Variants in PTPRD observed in about 807,000 individuals in gnomAD.
PTPRD encodes receptor-type tyrosine-protein phosphatase delta.
In PTPRD, 34 loss-of-function variants were observed where a neutral mutation model predicts 214.5. The observed-to-expected ratio is 0.16, with a 90% CI of 0.12 to 0.21. The LOEUF is 0.21. Ranked by LOEUF, PTPRD falls within the 10% of genes least tolerant of loss-of-function variation. The pLI is 1.00. For synonymous variants in PTPRD, 1,128 were observed against 845.7 expected (o/e 1.33, Z -5.79); for missense variants, 2,545 against 2,398.7 (o/e 1.06, Z -1.27).
At chr9:9,445,520 G>A (rs1189001911) in intron 8 of PTPRD, among the ~76,000 whole-genome samples, 1 of 152,096 alleles carries the variant, frequency 6.6e-6, no homozygotes, top group Non-Finnish European at 1.5e-5. Flanking sequence ...GTTCTGCATG[G>A]CTGGGAAGAC....
intron 3 of PTPRD, among the ~76,000 whole-genome samples, chr9:10,067,581 C>G (rs929377987): frequency 1.3e-5 from 2 of 151,804 alleles, no homozygotes; most frequent in African/African-American, 4.8e-5. Flanking sequence ...TCCTGAGACT[C>G]TGCGAGGAGG....
intron 2 of PTPRD, among the ~76,000 whole-genome samples, chr9:10,482,327 C>G (rs1025962106): frequency 1.3e-5 from 2 of 151,818 alleles, no homozygotes; most frequent in Non-Finnish European, 2.9e-5. Flanking sequence ...GCCGAGATGG[C>G]GCCACTGCAC....
At chr9:8,480,660 T>C (rs1488217210) in intron 30 of PTPRD, among the ~76,000 whole-genome samples, 2 of 152,212 alleles carry the variant, frequency 1.3e-5, no homozygotes, top group East Asian at 3.9e-4. Context: ...CTGCACAGTT[T>C]CTTACATATC....
intron 3 of PTPRD, among the ~76,000 whole-genome samples, chr9:10,264,994 T>G (rs10958986): frequency 6.6e-6 from 1 of 151,936 alleles, no homozygotes; most frequent in Non-Finnish European, 1.5e-5. Flanking sequence ...CCTGACACCA[T>G]GTTTGACATG....
At position 8,888,452 on chromosome 9, in the gene PTPRD, G is replaced by A. The variant is rs76068303; in HGVS notation, c.-104+130245C>T. Among the ~76,000 whole-genome samples the A allele has an allele frequency of 8.5e-3, 1,288 of 151,964 alleles. 8 individuals are homozygous for A. The highest frequency in any genetic ancestry group is 0.014 in the Non-Finnish European group (963 of 67,968). On this transcript the variant is annotated intron_variant, in intron 11 of 45. Transcript: ENST00000381196. ...TTTCAGGCATTGCCTTGACTAAAAA[G>A]GTAACATGAAATAAACTCCTCTAGT...
chr9:9,174,668 C>G (rs2099923525), intron 10 of PTPRD, among the ~76,000 whole-genome samples: 1 of 152,036 alleles, frequency 6.6e-6, no homozygotes, highest in Non-Finnish European at 1.5e-5. Context: ...ATTTCATAAT[C>G]TTATTTAATA....
At chr9:9,547,807 C>CACACACACAA (rs1304197907) in intron 8 of PTPRD, among the ~76,000 whole-genome samples, 1 of 151,634 alleles carries the variant, frequency 6.6e-6, no homozygotes, top group African/African-American at 2.4e-5. Flanking sequence ...CACACACACA[C>CACACACACAA]ACACACACAC....
intron 3 of PTPRD, among the ~76,000 whole-genome samples, chr9:10,282,792 A>C (rs568814322): frequency 1.3e-5 from 2 of 152,232 alleles, no homozygotes; most frequent in South Asian, 4.1e-4. Flanking sequence ...TAAATATGCC[A>C]GCTGTAAGAG....
chr9:10,400,417 T>C (rs2098250871), intron 2 of PTPRD, among the ~76,000 whole-genome samples: 1 of 151,820 alleles, frequency 6.6e-6, no homozygotes, highest in Admixed American at 6.6e-5. Context: ...TTGACTTATT[T>C]TTCTTTATAA....
chr9:9,980,146 C>G (rs1490362643), intron 4 of PTPRD, among the ~76,000 whole-genome samples: 1 of 151,730 alleles, frequency 6.6e-6, no homozygotes, highest in South Asian at 2.1e-4. Context: ...TTCTTTTCAA[C>G]AAAATTTAAC....
At chr9:8,791,304 C>T (rs896220611) in intron 11 of PTPRD, among the ~76,000 whole-genome samples, 2 of 152,112 alleles carry the variant, frequency 1.3e-5, no homozygotes, top group South Asian at 4.2e-4. Context: ...CCGCTCACTG[C>T]AAACTCCGCC....
At chr9:8,721,814 T>C (rs763326488) in intron 12 of PTPRD, among the ~76,000 whole-genome samples, 1 of 152,208 alleles carries the variant, frequency 6.6e-6, no homozygotes, top group Non-Finnish European at 1.5e-5. Flanking sequence ...TTTCAAGAGC[T>C]TGTGAAAGGT....
intron 11 of PTPRD, among the ~76,000 whole-genome samples, chr9:8,799,420 C>G (rs146378675): frequency 2.0e-5 from 3 of 152,274 alleles, no homozygotes; most frequent in African/African-American, 4.8e-5. Flanking sequence ...CTGGAAGAGA[C>G]CTGGAATTGT....
chr9:9,615,248 G>C (rs2094787294), intron 7 of PTPRD, among the ~76,000 whole-genome samples: 1 of 152,106 alleles, frequency 6.6e-6, no homozygotes, highest in South Asian at 2.1e-4. Context: ...TGCTCCTCCT[G>C]CCAGGTGCAG....
chr9:9,747,929 A>G (rs2098474917), intron 6 of PTPRD, among the ~76,000 whole-genome samples: 1 of 152,158 alleles, frequency 6.6e-6, no homozygotes, highest in Non-Finnish European at 1.5e-5. Flanking sequence ...TGAGAAAGGA[A>G]TGTATAAACA....
intron 5 of PTPRD, among the ~76,000 whole-genome samples, chr9:9,912,474 A>G (rs892879945): frequency 1.3e-4 from 20 of 152,218 alleles, no homozygotes; most frequent in African/African-American, 4.3e-4. Flanking sequence ...TCTTTTTGCC[A>G]TATGAATTAA....
At chr9:9,891,738 T>G (rs935298772) in intron 5 of PTPRD, among the ~76,000 whole-genome samples, 3 of 152,102 alleles carry the variant, frequency 2.0e-5, no homozygotes, top group East Asian at 3.9e-4. Flanking sequence ...TTAAGAATAG[T>G]ATGACTGGAC....
intron 11 of PTPRD, among the ~76,000 whole-genome samples, chr9:8,748,869 C>T (rs2093200645): frequency 6.6e-6 from 1 of 152,084 alleles, no homozygotes; most frequent in Non-Finnish European, 1.5e-5. Context: ...AAGATTGCGC[C>T]AGTGCACTCC....
chr9:9,310,396 C>T (rs2135433255), intron 9 of PTPRD, among the ~76,000 whole-genome samples: 1 of 152,174 alleles, frequency 6.6e-6, no homozygotes, highest in South Asian at 2.1e-4. Flanking sequence ...CTTGGGGTTT[C>T]TTCTCTCTTG....
Sources: allele counts gnomAD v4.1 joint callset (sites outside exome capture counted in the v4.1 genomes callset), GRCh38; gene constraint gnomAD v4.1.1; transcripts MANE v1.5; gene names NCBI Gene and HGNC (gene_info 2026-07-23, HGNC 2026-07-21).